PRELID2: variants seen among roughly 807,000 people sequenced by gnomAD.
The protein encoded by PRELID2 is PRELI domain-containing protein 2.
In PRELID2, 25 loss-of-function variants were observed where a neutral mutation model predicts 28.4. The observed-to-expected ratio is 0.88, with a 90% CI of 0.64 to 1.23. The LOEUF is 1.23. PRELID2 is among the 50% of genes most tolerant of loss of function. The probability of loss-of-function intolerance (pLI) is 0.00; values close to 1 mark genes in which losing one functional copy is unlikely to be tolerated. For synonymous variants in PRELID2, 76 were observed against 71.6 expected, an observed-to-expected ratio of 1.06 and a Z score of -0.31; for missense variants, 201 against 214.4, an observed-to-expected ratio of 0.94 and a Z score of 0.39.
chr5:145,428,759 C>A, the PRELID2 span, among the ~76,000 whole-genome samples: 1 of 152,046 alleles, frequency 6.6e-6, no homozygotes, highest in Non-Finnish European at 1.5e-5. Flanking sequence ...GTAGAAAGTC[C>A]TTATTGGTAT....
chr5:145,525,682 A>G (rs1683752395), intron 1 of PRELID2, among the ~76,000 whole-genome samples: 1 of 152,290 alleles, frequency 6.6e-6, no homozygotes, highest in South Asian at 2.1e-4. Flanking sequence ...TTTTGTTCAG[A>G]CTCAGAGGAT....
chr5:145,372,776 C>A, the PRELID2 span, among the ~76,000 whole-genome samples: 1 of 149,536 alleles, frequency 6.7e-6, no homozygotes, highest in Non-Finnish European at 1.5e-5. Flanking sequence ...ATATGGCATA[C>A]CAATGGGTCT....
intron 5 of PRELID2, among the ~76,000 whole-genome samples, chr5:145,771,232 C>T (rs1581169856): frequency 6.6e-6 from 1 of 152,034 alleles, no homozygotes; most frequent in Non-Finnish European, 1.5e-5. Flanking sequence ...GTATTCAGTA[C>T]AGTACATGAG....
At chr5:145,406,912 T>C in the PRELID2 span, among the ~76,000 whole-genome samples, 1 of 152,128 alleles carries the variant, frequency 6.6e-6, no homozygotes, top group Admixed American at 6.5e-5. Flanking sequence ...AGAAGAGCCC[T>C]GTGGGCACTC....
intron 1 of PRELID2, among the ~76,000 whole-genome samples, chr5:145,612,973 T>G (rs541684851): frequency 4.8e-4 from 73 of 152,284 alleles, no homozygotes; most frequent in African/African-American, 1.8e-3. Flanking sequence ...TACCCAGTAG[T>G]GGGATTGCTG....
intron 1 of PRELID2, among the ~76,000 whole-genome samples, chr5:145,603,118 A>G (rs1161927189): frequency 1.3e-5 from 2 of 151,478 alleles, no homozygotes; most frequent in Admixed American, 6.6e-5. Flanking sequence ...TGATGAGAAG[A>G]CCTCACATAC....
chr5:145,645,954 T>C (rs527993981), intron 1 of PRELID2, among the ~76,000 whole-genome samples: 1 of 152,212 alleles, frequency 6.6e-6, no homozygotes, highest in East Asian at 1.9e-4. Flanking sequence ...TTTCTCTGGC[T>C]GCCCTTAACA....
intron 1 of PRELID2, among the ~76,000 whole-genome samples, chr5:145,661,477 A>C (rs1442720078): frequency 2.0e-5 from 3 of 152,072 alleles, no homozygotes; most frequent in Non-Finnish European, 2.9e-5. Flanking sequence ...ATCATTTGAC[A>C]GCTCACTTCT....
chr5:145,436,610 G>T, the PRELID2 span, among the ~76,000 whole-genome samples: 1 of 151,796 alleles, frequency 6.6e-6, no homozygotes, highest in African/African-American at 2.4e-5. Context: ...TTTTGTTTTT[G>T]TTTTTTACGT....
At chr5:145,280,823 T>G in the PRELID2 span, among the ~76,000 whole-genome samples, 27 of 149,292 alleles carry the variant, frequency 1.8e-4, no homozygotes, top group Non-Finnish European at 3.7e-4. Flanking sequence ...AAAAACAGAT[T>G]GCTACATTTT....
the PRELID2 span, among the ~76,000 whole-genome samples, chr5:145,282,558 T>A: frequency 2.6e-5 from 4 of 151,474 alleles, no homozygotes; most frequent in African/African-American, 7.3e-5. Flanking sequence ...CTTGTTCAGC[T>A]GCCCAGGCTG....
chr5:145,338,854 C>G, the PRELID2 span, among the ~76,000 whole-genome samples: 1 of 152,158 alleles, frequency 6.6e-6, no homozygotes. Flanking sequence ...TCACTATGCC[C>G]TTGTGTTCAT....
At chr5:145,390,225 T>A in the PRELID2 span, among the ~76,000 whole-genome samples, 7 of 152,168 alleles carry the variant, frequency 4.6e-5, no homozygotes, top group Non-Finnish European at 8.8e-5. Flanking sequence ...CTCTGCCAGA[T>A]TAATAGAAGT....
intron 1 of PRELID2, among the ~76,000 whole-genome samples, chr5:145,707,785 T>C (rs1468955161): frequency 6.6e-6 from 1 of 152,136 alleles, no homozygotes; most frequent in African/African-American, 2.4e-5. Flanking sequence ...TGGGATTGTT[T>C]ACATTGTGTT....
intron 1 of PRELID2, among the ~76,000 whole-genome samples, chr5:145,740,203 G>C (rs756122089): frequency 1.5e-5 from 2 of 135,614 alleles, no homozygotes; most frequent in Non-Finnish European, 3.1e-5. Context: ...AGTTAAAGTA[G>C]ATTTAGTGCA....
intron 1 of PRELID2, among the ~76,000 whole-genome samples, chr5:145,702,654 C>G (rs1423416371): frequency 6.6e-6 from 1 of 152,146 alleles, no homozygotes; most frequent in Non-Finnish European, 1.5e-5. Flanking sequence ...GCCTGAAGCA[C>G]CCCCATGCCC....
chr5:145,532,010 A>G (rs923355534), intron 1 of PRELID2, among the ~76,000 whole-genome samples: 2 of 152,200 alleles, frequency 1.3e-5, no homozygotes, highest in Non-Finnish European at 2.9e-5. Flanking sequence ...TAGAAATTAG[A>G]TGACAAAATA....
chr5:145,447,651 G>A, the PRELID2 span, among the ~76,000 whole-genome samples: 2 of 106,854 alleles, frequency 1.9e-5, no homozygotes, highest in Admixed American at 2.2e-4. Context: ...TCCCCAGAGT[G>A]TGATATTCCC....
the PRELID2 span, among the ~76,000 whole-genome samples, chr5:145,232,772 T>G: frequency 5.9e-5 from 9 of 152,226 alleles, no homozygotes; most frequent in South Asian, 1.7e-3. Flanking sequence ...GTTCAGTAAT[T>G]TATTCTTTAT....
Sources: gnomAD v4.1 joint callset for allele counts (sites outside exome capture counted in the v4.1 genomes callset) on GRCh38, gnomAD v4.1.1 for gene constraint, MANE v1.5 for transcripts, NCBI Gene and HGNC (gene_info 2026-07-23, HGNC 2026-07-21) for gene names.